The following PDE7B variants were observed in gnomAD, a reference collection of about 807,000 sequenced individuals.
PDE7B encodes 3',5'-cyclic-AMP phosphodiesterase 7B.
A neutral mutation model predicts 56.2 loss-of-function variants in PDE7B; 29 were observed. That is an observed-to-expected ratio of 0.52 (90% confidence interval 0.38 to 0.70). PDE7B has a LOEUF of 0.70. PDE7B is among the 30% of genes least tolerant of loss of function. The pLI is 0.00. For synonymous variants in PDE7B, 197 were observed against 196.9 expected (o/e 1.00, Z 0.00); for missense variants, 490 against 565.0 (o/e 0.87, Z 1.35).
intron 8 of PDE7B, among the ~76,000 whole-genome samples, chr6:136,170,344 T>C (rs1453086864): frequency 6.6e-6 from 1 of 152,170 alleles, no homozygotes; most frequent in African/African-American, 2.4e-5. Context: ...AAGTGTACAA[T>C]TCAGTGGTAT....
At chr6:135,957,577 C>T (rs776235004) in intron 2 of PDE7B, among the ~76,000 whole-genome samples, 1 of 152,126 alleles carries the variant, frequency 6.6e-6, no homozygotes, top group African/African-American at 2.4e-5. Context: ...ACAAATCCCT[C>T]TCCCTGGTAT....
chr6:136,045,290 A>G (rs1047634437), intron 2 of PDE7B, among the ~76,000 whole-genome samples: 5 of 152,182 alleles, frequency 3.3e-5, no homozygotes, highest in African/African-American at 7.2e-5. Context: ...CTGCCTTTCC[A>G]TACATTTCTC....
At chr6:135,964,384 C>T (rs1583799174) in intron 2 of PDE7B, among the ~76,000 whole-genome samples, 1 of 152,280 alleles carries the variant, frequency 6.6e-6, no homozygotes, top group South Asian at 2.1e-4. Flanking sequence ...GGATTAGAGG[C>T]ATAAGCCACC....
intron 2 of PDE7B, among the ~76,000 whole-genome samples, chr6:136,024,108 A>G (rs1237843029): frequency 6.6e-6 from 1 of 152,202 alleles, no homozygotes; most frequent in Admixed American, 6.5e-5. Context: ...TTCTGTTATA[A>G]TGGGTTTCTA....
At chr6:135,956,780 AAAAAG>A (rs951727222) in intron 2 of PDE7B, among the ~76,000 whole-genome samples, 5 of 152,022 alleles carry the variant, frequency 3.3e-5, no homozygotes, top group African/African-American at 4.8e-5. Flanking sequence ...AGACCCTCTC[AAAAAG>A]AAAAGAAAAG....
In PDE7B at chr6:135,971,102, C is replaced by T. The variant is rs9494431; in HGVS notation, c.82+23578C>T. 2.5e-3 allele frequency among the ~76,000 whole-genome samples: 378 copies of T among 152,096 alleles called. 1 individual carries two copies. The highest frequency in any genetic ancestry group is 8.5e-3 in the African/African-American group (352 of 41,484). Reference sequence around the variant, plus strand: ...GAATGTGATCTTTTCTAGAGCTAGCCGTCTTTACAGAGGTAATCAAGTTAA... The same window carrying T: ...GAATGTGATCTTTTCTAGAGCTAGCTGTCTTTACAGAGGTAATCAAGTTAA... On this transcript the variant is annotated intron_variant, in intron 2 of 12. Transcript: ENST00000308191.
At chr6:136,048,661 T>C (rs535440274) in intron 2 of PDE7B, among the ~76,000 whole-genome samples, 18 of 152,194 alleles carry the variant, frequency 1.2e-4, no homozygotes, top group African/African-American at 4.3e-4. Flanking sequence ...TTCAGACAAT[T>C]TTAGTGGGAA....
intron 2 of PDE7B, among the ~76,000 whole-genome samples, chr6:135,971,021 A>G (rs114928382): frequency 0.012 from 1,896 of 152,140 alleles, 26 homozygotes; most frequent in Middle Eastern, 0.041. Context: ...GGGGGTATGG[A>G]TTGAGTTGTG....
At chr6:135,887,495 A>G (rs1775730785) in intron 1 of PDE7B, among the ~76,000 whole-genome samples, 2 of 152,198 alleles carry the variant, frequency 1.3e-5, no homozygotes, top group Admixed American at 6.5e-5. Context: ...AAGTGAACGT[A>G]TCAGTTAGAC....
At chr6:135,887,476 A>G (rs1407605640) in intron 1 of PDE7B, among the ~76,000 whole-genome samples, 1 of 152,176 alleles carries the variant, frequency 6.6e-6, no homozygotes, top group African/African-American at 2.4e-5. Context: ...GGATCTGCTT[A>G]AATCAGAAAA....
chr6:136,174,337 T>C lies in PDE7B; in HGVS notation c.803+449T>C, dbSNP rs192692909. Reference sequence around the variant, plus strand: ...AGCAAAAATAGAAGTCAGAAATTCTTTTCTAAAATGTCTTTTGCTAAGTAA... The same window carrying C: ...AGCAAAAATAGAAGTCAGAAATTCTCTTCTAAAATGTCTTTTGCTAAGTAA... On this transcript the variant is annotated intron_variant, in intron 9 of 12. Transcript: ENST00000308191. 1.2e-3 allele frequency among the ~76,000 whole-genome samples: 180 copies of C among 152,324 alleles called. 2 individuals carry two copies. In the Middle Eastern group the frequency reaches 0.031, roughly 26 times the overall value.
chr6:135,858,498 G>C (rs1775081202), intron 1 of PDE7B, among the ~76,000 whole-genome samples: 1 of 151,986 alleles, frequency 6.6e-6, no homozygotes, highest in South Asian at 2.1e-4. Flanking sequence ...TTCTTTCTTT[G>C]ACCCTTACTA....
intron 2 of PDE7B, among the ~76,000 whole-genome samples, chr6:135,951,363 A>T (rs576284992): frequency 7.2e-5 from 11 of 152,128 alleles, no homozygotes; most frequent in Non-Finnish European, 1.3e-4. Flanking sequence ...AGAAAGAGGA[A>T]GTGGAAGAGA....
intron 1 of PDE7B, among the ~76,000 whole-genome samples, chr6:135,879,455 A>G (rs1345128417): frequency 1.3e-5 from 2 of 152,186 alleles, no homozygotes; most frequent in African/African-American, 4.8e-5. Flanking sequence ...GTCTGTTTAT[A>G]TACTGATACT....
At chr6:136,075,762 G>A (rs867788396) in intron 2 of PDE7B, among the ~76,000 whole-genome samples, 10 of 152,106 alleles carry the variant, frequency 6.6e-5, no homozygotes, top group African/African-American at 9.7e-5. Context: ...TAAGAAGAAC[G>A]ACCTGGGTTA....
chr6:136,112,280 G>A (rs1777762478), intron 3 of PDE7B, among the ~76,000 whole-genome samples: 1 of 152,168 alleles, frequency 6.6e-6, no homozygotes, highest in Non-Finnish European at 1.5e-5. Context: ...GCGTTAAAAT[G>A]GATAACTAGA....
intron 2 of PDE7B, among the ~76,000 whole-genome samples, chr6:136,041,862 C>A (rs531637353): frequency 6.6e-6 from 1 of 152,304 alleles, no homozygotes; most frequent in African/African-American, 2.4e-5. Context: ...CATCCGGGAT[C>A]ACACACTGAA....
intron 2 of PDE7B, among the ~76,000 whole-genome samples, chr6:135,986,593 C>T (rs987721555): frequency 3.3e-5 from 5 of 152,152 alleles, no homozygotes; most frequent in African/African-American, 4.8e-5. Flanking sequence ...GTTCACATTT[C>T]GATTCTAAAT....
At chr6:135,929,267 T>C (rs1774253417) in intron 1 of PDE7B, among the ~76,000 whole-genome samples, 1 of 152,142 alleles carries the variant, frequency 6.6e-6, no homozygotes, top group Admixed American at 6.6e-5. Flanking sequence ...TTTACAAAAA[T>C]GATTCAAGAA....
Sources: allele counts gnomAD v4.1 joint callset (sites outside exome capture counted in the v4.1 genomes callset), GRCh38; gene constraint gnomAD v4.1.1; transcripts MANE v1.5; gene names NCBI Gene and HGNC (gene_info 2026-07-23, HGNC 2026-07-21).